The following KCNT1 variants were observed in gnomAD, a reference collection of about 807,000 sequenced individuals.
KCNT1 encodes the protein potassium sodium-activated channel subfamily T member 1.
In KCNT1, 78 loss-of-function variants were observed where a neutral mutation model predicts 147.8. That is an observed-to-expected ratio of 0.53 (90% confidence interval 0.44 to 0.64). The LOEUF (loss-of-function observed/expected upper bound fraction) is 0.64. KCNT1 is among the 30% of genes least tolerant of loss of function. The pLI is 0.00. For missense variants in KCNT1, 1,419 were observed against 1,750.3 expected, an observed-to-expected ratio of 0.81 and a Z score of 3.38; for synonymous variants, 867 against 748.8, an observed-to-expected ratio of 1.16 and a Z score of -2.58.
At chr9:135,780,344 T>C (rs1833518802) in intron 24 of KCNT1, among the ~76,000 whole-genome samples, 3 of 152,126 alleles carry the variant, frequency 2.0e-5, no homozygotes, top group Non-Finnish European at 4.4e-5. Context: ...GGCTGCAGGA[T>C]TGTGACACCG....
intron 20 of KCNT1, among the ~76,000 whole-genome samples, chr9:135,776,710 C>G (rs945398978): frequency 6.6e-6 from 1 of 152,214 alleles, no homozygotes. Context: ...AATCTGTGGC[C>G]GGTCATTGCA....
intron 2 of KCNT1, chr9:135,736,576 C>G (rs1830345918): frequency 1.3e-5 from 2 of 149,420 alleles, no homozygotes; most frequent in South Asian, 3.7e-4. Flanking sequence ...TGGTTCCGCC[C>G]GGCGCCGCCC....
chr9:135,794,817 C>G lies in KCNT1; in HGVS notation c.*2656C>G, dbSNP rs1834729067. 1 of 152,176 alleles carries G rather than the reference C, an allele frequency of 6.6e-6. No individual in the cohort carries two copies. Among genetic ancestry groups the G allele is most frequent in the Non-Finnish European group, 1.5e-5 (1 of 68,040 alleles). 9.4% of individuals were successfully genotyped at this position (152,176 alleles called of 1,614,324 possible). ...TGCTTGTCCCGAGCCCACTCACCAA[C>G]AGCCCCAGCTTGCACAGTCATGACA... On this transcript the variant is annotated 3_prime_UTR_variant, in exon 31 of 31. Coordinates refer to ENST00000371757, the MANE Select transcript of KCNT1 (RefSeq NM_020822.3).
In KCNT1 at chr9:135,750,987, G is replaced by A. The variant is rs1299714104; in HGVS notation, c.380G>A (p.Cys127Tyr). ...AACTTCTCCCTGAAGCTGCTCACCTGCCTGCTCTACATTGTGCGCGTCCTG... is the reference window on the plus strand; with the variant it reads ...AACTTCTCCCTGAAGCTGCTCACCTACCTGCTCTACATTGTGCGCGTCCTG... The part of the protein sequence containing the change: ...LFNFSLKLLT[C>Y]LLYIVRVLLD... Residue 127 changes from cysteine to tyrosine, a missense_variant, in exon 4 of 31, where the codon TGC becomes TAC. Physicochemically the swap from Cys to Tyr is radical, Grantham distance 194. Coordinates refer to ENST00000371757, the MANE Select transcript of KCNT1 (RefSeq NM_020822.3). 6.2e-6 allele frequency: 10 copies of A among 1,613,126 alleles called. No individual in the cohort carries two copies. Among genetic ancestry groups the A allele is most frequent in the Non-Finnish European group, 6.8e-6 (8 of 1,179,882 alleles).
intron 11 of KCNT1, among the ~76,000 whole-genome samples, chr9:135,760,244 C>G (rs1004807788): frequency 6.6e-6 from 1 of 152,200 alleles, no homozygotes; most frequent in Non-Finnish European, 1.5e-5. Flanking sequence ...GGGGCACACC[C>G]CCCCGGCCAC....
At chr9:135,750,459 G>A (rs1406238040) in intron 3 of KCNT1, 48 of 525,378 alleles carry the variant, frequency 9.1e-5, no homozygotes, top group South Asian at 9.0e-4. Flanking sequence ...CAGGCTGGGT[G>A]GGGCAGGACC....
intron 7 of KCNT1, 36 bp downstream of exon 7, chr9:135,756,968 T>TTCC: frequency 1.2e-6 from 1 of 852,574 alleles, no homozygotes. Flanking sequence ...TCACAGGGGG[T>TTCC]CCCCACCCTC....
intron 10 of KCNT1, among the ~76,000 whole-genome samples, chr9:135,758,859 G>A (rs1382883233): frequency 6.6e-6 from 1 of 152,252 alleles, no homozygotes; most frequent in Non-Finnish European, 1.5e-5. Context: ...GAGGCAGCCA[G>A]GGTAAAGGTG....
At chr9:135,731,960 G>GTGTA (rs1471079492) in intron 2 of KCNT1, among the ~76,000 whole-genome samples, 2 of 41,420 alleles carry the variant, frequency 4.8e-5, no homozygotes, top group Non-Finnish European at 9.5e-5. Context: ...AAATATGCGT[G>GTGTA]TATATATATA....
In KCNT1 at chr9:135,743,840, G is replaced by A. The variant is rs1279742936; in HGVS notation, c.255-6258G>A. On this transcript the variant is annotated intron_variant, in intron 2 of 30. Transcript: ENST00000371757. The stretch of plus-strand genomic sequence containing the variant: ...GCCAAGCTATGGGGGGGCCCCAGAG[G>A]CCCAAGGGTGTCAAAACAGGGACCC... Among the ~76,000 whole-genome samples, 4 of 152,240 alleles carry A rather than the reference G, an allele frequency of 2.6e-5. No individual in the cohort carries two copies. In the East Asian group the frequency reaches 7.7e-4, roughly 29 times the overall value.
chr9:135,745,695 TG>T (rs1232405964), intron 2 of KCNT1, among the ~76,000 whole-genome samples: 1 of 152,246 alleles, frequency 6.6e-6, no homozygotes, highest in Non-Finnish European at 1.5e-5. Context: ...CGCCGGGAGT[TG>T]GTCCCTGTCC....
chr9:135,739,551 C>T (rs1317248261), intron 2 of KCNT1, among the ~76,000 whole-genome samples: 2 of 152,160 alleles, frequency 1.3e-5, no homozygotes, highest in Admixed American at 1.3e-4. Context: ...CCCCCTCACC[C>T]CGGGCACACG....
At chr9:135,771,350 A>C (rs1282541636) in intron 18 of KCNT1, among the ~76,000 whole-genome samples, 1 of 152,236 alleles carries the variant, frequency 6.6e-6, no homozygotes, top group East Asian at 1.9e-4. Flanking sequence ...CCCCAGACCC[A>C]GTTCCTCTTG....
At chr9:135,785,521 C>T in intron 28 of KCNT1, 191 bp downstream of exon 28, 2 of 729,592 alleles carry the variant, frequency 2.7e-6, no homozygotes, top group African/African-American at 1.7e-5. Context: ...TCACTCCCTC[C>T]TGCACTGGTG....
At chr9:135,732,370 C>T (rs1000236784) in intron 2 of KCNT1, among the ~76,000 whole-genome samples, 2 of 152,142 alleles carry the variant, frequency 1.3e-5, no homozygotes, top group Non-Finnish European at 2.9e-5. Flanking sequence ...CCCAGGGGTA[C>T]AAGCAATCCT....
At chr9:135,767,525 C>G (rs1832368576) in intron 13 of KCNT1, among the ~76,000 whole-genome samples, 1 of 152,100 alleles carries the variant, frequency 6.6e-6, no homozygotes, top group African/African-American at 2.4e-5. Flanking sequence ...AGTAGCCAGG[C>G]CAGGGAGCGG....
Position 135,755,170 on chromosome 9 carries a change from G to C in KCNT1, c.540+1G>C. The C allele has an allele frequency of 6.2e-7, 1 of 1,610,920 alleles. No individual in the cohort carries two copies. The highest frequency in any genetic ancestry group is 8.5e-7 in the Non-Finnish European group (1 of 1,178,418). On this transcript the variant is annotated splice_donor_variant, in intron 6 of 30. Coordinates refer to ENST00000371757, the MANE Select transcript of KCNT1 (RefSeq NM_020822.3). LOFTEE classifies it high-confidence loss of function. ...AAAGATGACACTGTGGGCGATCCAGGTGAGTGCCCTACCCTGCCCCCCTCC... is the reference window on the plus strand; with the variant it reads ...AAAGATGACACTGTGGGCGATCCAGCTGAGTGCCCTACCCTGCCCCCCTCC...
intron 2 of KCNT1, among the ~76,000 whole-genome samples, chr9:135,734,763 T>G (rs117139735): frequency 6.6e-6 from 1 of 152,222 alleles, no homozygotes; most frequent in East Asian, 1.9e-4. Flanking sequence ...CGGTGGGCTG[T>G]GGGTTCGTTC....
chr9:135,773,011 TG>T (rs1832867573), intron 19 of KCNT1, 62 bp downstream of exon 19: 1 of 1,197,092 alleles, frequency 8.4e-7, no homozygotes, highest in African/African-American at 1.6e-5. Flanking sequence ...GTGCGGGGGA[TG>T]GGTGTCGGAG....
Sources: gnomAD v4.1 joint callset for allele counts (sites outside exome capture counted in the v4.1 genomes callset) on GRCh38, gnomAD v4.1.1 for gene constraint, MANE v1.5 for transcripts, NCBI Gene and HGNC (gene_info 2026-07-23, HGNC 2026-07-21) for gene names.